The following LRRTM4 variants were observed in gnomAD, a reference collection of about 807,000 sequenced individuals.
The protein encoded by LRRTM4 is leucine-rich repeat transmembrane neuronal protein 4.
LRRTM4 carries 25 observed loss-of-function variants against 47.6 expected under a neutral mutation model. The observed-to-expected ratio is 0.53, with a 90% CI of 0.38 to 0.73. The LOEUF (loss-of-function observed/expected upper bound fraction) is 0.73, where lower values mean the gene tolerates loss of function less well. Ranked by LOEUF, LRRTM4 falls within the 30% of genes least tolerant of loss-of-function variation. The pLI, the probability that LRRTM4 is intolerant of heterozygous loss-of-function variation, is 0.00. For synonymous variants in LRRTM4, 311 were observed against 269.5 expected (o/e 1.15, Z -1.51); for missense variants, 638 against 713.4 (o/e 0.89, Z 1.20).
At chr2:76,888,734 T>C (rs1486441150) in intron 3 of LRRTM4, among the ~76,000 whole-genome samples, 1 of 151,834 alleles carries the variant, frequency 6.6e-6, no homozygotes, top group African/African-American at 2.4e-5. Context: ...TTTAGTACTA[T>C]GTATTTTGTT....
chr2:77,081,984 G>A (rs1680548993), intron 3 of LRRTM4, among the ~76,000 whole-genome samples: 2 of 151,888 alleles, frequency 1.3e-5, no homozygotes, highest in Admixed American at 6.6e-5. Flanking sequence ...AGAGATTACT[G>A]TCTTACAATC....
chr2:76,973,905 T>C (rs1676307435), intron 3 of LRRTM4, among the ~76,000 whole-genome samples: 2 of 151,746 alleles, frequency 1.3e-5, no homozygotes, highest in South Asian at 4.1e-4. Flanking sequence ...AAGTTACTGT[T>C]CAGCTTTTCT....
chr2:76,974,478 C>G (rs1196816724), intron 3 of LRRTM4, among the ~76,000 whole-genome samples: 1 of 150,804 alleles, frequency 6.6e-6, no homozygotes, highest in Non-Finnish European at 1.5e-5. Flanking sequence ...TAACTAAACT[C>G]CTACTATCTA....
intron 3 of LRRTM4, among the ~76,000 whole-genome samples, chr2:77,046,472 A>T (rs1488767859): frequency 1.3e-5 from 2 of 152,054 alleles, no homozygotes; most frequent in Non-Finnish European, 2.9e-5. Flanking sequence ...ATTTGAAAAT[A>T]ACCTGATATC....
chr2:77,418,922 T>C (rs535258148), intron 3 of LRRTM4, among the ~76,000 whole-genome samples: 1 of 152,340 alleles, frequency 6.6e-6, no homozygotes, highest in Non-Finnish European at 1.5e-5. Context: ...ATTTATTTAC[T>C]GTGGCCAACA....
chr2:77,427,349 A>G (rs575649829), intron 3 of LRRTM4, among the ~76,000 whole-genome samples: 1 of 152,326 alleles, frequency 6.6e-6, no homozygotes, highest in South Asian at 2.1e-4. Flanking sequence ...TTTGTTGAAA[A>G]AATAACAAAT....
chr2:77,243,818 G>A (rs1675343616), intron 3 of LRRTM4, among the ~76,000 whole-genome samples: 1 of 131,008 alleles, frequency 7.6e-6, no homozygotes, highest in Non-Finnish European at 1.6e-5. Context: ...TGTGCACATT[G>A]TGCAGGTTAG....
Position 77,440,345 on chromosome 2 carries a change from T to C in LRRTM4, c.1551+77973A>G, listed in dbSNP as rs866938497. ...AGGAGAATGGTGTGAACTCGGGAGGTGGAGCTTGCAGTGAGCCAAGATCGT... is the reference window on the plus strand; with the variant it reads ...AGGAGAATGGTGTGAACTCGGGAGGCGGAGCTTGCAGTGAGCCAAGATCGT... On this transcript the variant is annotated intron_variant, in intron 3 of 3. Transcript: ENST00000409884. 1.3e-4 allele frequency among the ~76,000 whole-genome samples: 20 copies of C among 151,582 alleles called. 1 individual carries two copies. In the Middle Eastern group the frequency reaches 0.014, roughly 103 times the overall value.
intron 3 of LRRTM4, among the ~76,000 whole-genome samples, chr2:77,156,459 T>C (rs2103796793): frequency 6.6e-6 from 1 of 152,052 alleles, no homozygotes; most frequent in South Asian, 2.1e-4. Flanking sequence ...AGCATGGGAA[T>C]TGGGATGAAA....
intron 3 of LRRTM4, among the ~76,000 whole-genome samples, chr2:76,990,702 G>C (rs538581833): frequency 6.6e-6 from 1 of 151,736 alleles, no homozygotes; most frequent in Non-Finnish European, 1.5e-5. Context: ...ATAATAGTGA[G>C]GGACATCAAC....
chr2:77,465,024 G>T (rs1271674436), intron 3 of LRRTM4, among the ~76,000 whole-genome samples: 3 of 152,112 alleles, frequency 2.0e-5, no homozygotes, highest in Non-Finnish European at 4.4e-5. Flanking sequence ...TAGAGATAAA[G>T]CATGTTGGAG....
intron 3 of LRRTM4, among the ~76,000 whole-genome samples, chr2:77,170,932 C>T (rs1673030344): frequency 8.0e-6 from 1 of 125,786 alleles, no homozygotes; most frequent in Admixed American, 8.0e-5. Context: ...ATACATAAAG[C>T]TATATTTATG....
At chr2:77,273,961 T>G (rs1333032108) in intron 3 of LRRTM4, among the ~76,000 whole-genome samples, 1 of 152,128 alleles carries the variant, frequency 6.6e-6, no homozygotes, top group African/African-American at 2.4e-5. Context: ...GGAAATGACC[T>G]TCATGAAATC....
At chr2:77,495,875 A>G (rs150252921) in intron 3 of LRRTM4, among the ~76,000 whole-genome samples, 30 of 152,066 alleles carry the variant, frequency 2.0e-4, no homozygotes, top group African/African-American at 5.5e-4. Context: ...GCATTTCTGT[A>G]TGAATTTTAA....
In LRRTM4 at chr2:77,066,705, G is replaced by A. The variant is rs535610563; in HGVS notation, c.1552-317789C>T. ...GATATGTAGGCATATACATGCATAT[G>A]TACCTGTATATTTTTACATAGGAAA... On this transcript the variant is annotated intron_variant, in intron 3 of 3. Coordinates refer to ENST00000409884, the MANE Select transcript of LRRTM4 (RefSeq NM_001134745.3). 5.3e-5 allele frequency among the ~76,000 whole-genome samples: 8 copies of A among 152,278 alleles called. No individual in the cohort carries two copies. The East Asian group carries it at 1.5e-3, about 29-fold the overall frequency.
intron 3 of LRRTM4, among the ~76,000 whole-genome samples, chr2:76,807,408 GTATA>G (rs1217096293): frequency 7.2e-4 from 29 of 40,306 alleles, no homozygotes; most frequent in African/African-American, 2.2e-3. Context: ...ATGTATATAC[GTATA>G]TATATATATA....
At chr2:76,826,378 G>T (rs1671191570) in intron 3 of LRRTM4, among the ~76,000 whole-genome samples, 1 of 151,300 alleles carries the variant, frequency 6.6e-6, no homozygotes, top group Admixed American at 6.6e-5. Flanking sequence ...TCTTAAATAG[G>T]TTATATAAAC....
intron 3 of LRRTM4, among the ~76,000 whole-genome samples, chr2:76,993,269 G>T (rs972618727): frequency 4.0e-5 from 6 of 151,852 alleles, no homozygotes; most frequent in African/African-American, 1.4e-4. Flanking sequence ...AAATTGAGAA[G>T]TAGGGACTAA....
chr2:76,843,015 C>T (rs1434895594), intron 3 of LRRTM4, among the ~76,000 whole-genome samples: 1 of 152,154 alleles, frequency 6.6e-6, no homozygotes, highest in Non-Finnish European at 1.5e-5. Context: ...GTCAGTTATG[C>T]TTTGAAATAA....
Sources: allele counts gnomAD v4.1 joint callset (sites outside exome capture counted in the v4.1 genomes callset), GRCh38; gene constraint gnomAD v4.1.1; transcripts MANE v1.5; gene names NCBI Gene and HGNC (gene_info 2026-07-23, HGNC 2026-07-21).